AKAP19: variants seen among roughly 807,000 people sequenced by gnomAD.
AKAP19 encodes the protein small A-kinase anchoring protein.
chr2:189,897,557 A>C, the AKAP19 span, among the ~76,000 whole-genome samples: 1 of 152,142 alleles, frequency 6.6e-6, no homozygotes, highest in Non-Finnish European at 1.5e-5. Flanking sequence ...CATCTTAAGC[A>C]AATCTGGTAA....
chr2:189,974,586 G>A, the AKAP19 span, among the ~76,000 whole-genome samples: 2 of 152,164 alleles, frequency 1.3e-5, no homozygotes, highest in African/African-American at 4.8e-5. Flanking sequence ...GGGTGTTAAA[G>A]TCTCCCATTA....
At chr2:190,142,312 A>G in the AKAP19 span, among the ~76,000 whole-genome samples, 1 of 152,242 alleles carries the variant, frequency 6.6e-6, no homozygotes, top group Non-Finnish European at 1.5e-5. Context: ...TTTTAAGTAA[A>G]GGTATAATAT....
At chr2:190,134,965 T>C in the AKAP19 span, among the ~76,000 whole-genome samples, 1 of 152,264 alleles carries the variant, frequency 6.6e-6, no homozygotes, top group East Asian at 1.9e-4. Context: ...AGCTATGGGA[T>C]CATTTAAATT....
chr2:189,947,020 G>A, the AKAP19 span, among the ~76,000 whole-genome samples: 1 of 152,116 alleles, frequency 6.6e-6, no homozygotes, highest in Admixed American at 6.5e-5. Context: ...AACTTTCTAA[G>A]CCTCAGTTTC....
the AKAP19 span, among the ~76,000 whole-genome samples, chr2:190,163,389 G>C: frequency 7.9e-5 from 12 of 150,980 alleles, no homozygotes; most frequent in Non-Finnish European, 1.6e-4. Flanking sequence ...AGCCGAGATC[G>C]CGCCACTGCA....
the AKAP19 span, among the ~76,000 whole-genome samples, chr2:190,069,169 T>A: frequency 1.5e-5 from 2 of 137,276 alleles, no homozygotes; most frequent in Admixed American, 7.1e-5. Flanking sequence ...TGTGTGTGTG[T>A]GTGTGTGAGA....
At chr2:189,953,410 C>A in the AKAP19 span, among the ~76,000 whole-genome samples, 77 of 152,042 alleles carry the variant, frequency 5.1e-4, 1 homozygote, top group African/African-American at 1.8e-3. Flanking sequence ...CCAAGATGGG[C>A]AGATCACCTA....
chr2:190,038,980 C>CT, the AKAP19 span, among the ~76,000 whole-genome samples: 3 of 141,932 alleles, frequency 2.1e-5, no homozygotes, highest in African/African-American at 8.2e-5. Context: ...CTTTCTTCTT[C>CT]TTCTTCCTTT....
chr2:189,915,644 T>C, the AKAP19 span, among the ~76,000 whole-genome samples: 2 of 152,150 alleles, frequency 1.3e-5, no homozygotes, highest in East Asian at 3.8e-4. Flanking sequence ...ACCAGATGGT[T>C]ACTTAAATAT....
At chr2:190,177,813 T>C in the AKAP19 span, among the ~76,000 whole-genome samples, 1 of 152,182 alleles carries the variant, frequency 6.6e-6, no homozygotes, top group African/African-American at 2.4e-5. The surrounding 1 kb of genome is among the most constrained non-coding windows in gnomAD (Gnocchi z 4.6). Flanking sequence ...TAAAATGCAA[T>C]CCTCAATCCA....
At chr2:190,096,926 C>A in the AKAP19 span, among the ~76,000 whole-genome samples, 1 of 152,122 alleles carries the variant, frequency 6.6e-6, no homozygotes. Context: ...GAGGGCAGAG[C>A]CCTTGTGGTT....
the AKAP19 span, among the ~76,000 whole-genome samples, chr2:190,100,604 G>A: frequency 1.3e-5 from 2 of 152,094 alleles, no homozygotes; most frequent in Admixed American, 6.6e-5. Flanking sequence ...TAACCTGACA[G>A]AAATATTTAC....
the AKAP19 span, among the ~76,000 whole-genome samples, chr2:190,115,290 TA>T: frequency 2.3e-4 from 2 of 8,808 alleles, no homozygotes; most frequent in Non-Finnish European, 4.7e-4. Flanking sequence ...TATATATATA[TA>T]TATATATATA....
At chr2:189,943,668 C>T in the AKAP19 span, among the ~76,000 whole-genome samples, 2 of 152,254 alleles carry the variant, frequency 1.3e-5, no homozygotes, top group African/African-American at 2.4e-5. Context: ...TGCAGGCACT[C>T]AACACCAGCT....
chr2:190,068,791 A>G, the AKAP19 span, among the ~76,000 whole-genome samples: 1 of 152,198 alleles, frequency 6.6e-6, no homozygotes, highest in Admixed American at 6.5e-5. Flanking sequence ...TGTAGTTCAT[A>G]GCATTTCTGT....
the AKAP19 span, among the ~76,000 whole-genome samples, chr2:190,174,835 A>G: frequency 6.6e-6 from 1 of 152,240 alleles, no homozygotes; most frequent in South Asian, 2.1e-4. Flanking sequence ...GCAGGTGAAG[A>G]CTTATAGAAG....
At chr2:190,013,232 T>C in the AKAP19 span, among the ~76,000 whole-genome samples, 1 of 152,186 alleles carries the variant, frequency 6.6e-6, no homozygotes, top group African/African-American at 2.4e-5. Flanking sequence ...CATGAAGCCA[T>C]TGGGTATTGG....
chr2:190,156,691 G>A, the AKAP19 span, among the ~76,000 whole-genome samples: 1 of 152,138 alleles, frequency 6.6e-6, no homozygotes. Flanking sequence ...TGAGGGAAAT[G>A]CAAATAAAAT....
chr2:190,083,744 C>A, the AKAP19 span, among the ~76,000 whole-genome samples: 23 of 152,312 alleles, frequency 1.5e-4, 1 homozygote, highest in East Asian at 4.2e-3. Context: ...TAGCAAGAAG[C>A]TTCAAGAGGT....
Sources: allele counts gnomAD v4.1 joint callset (sites outside exome capture counted in the v4.1 genomes callset), GRCh38; gene constraint gnomAD v4.1.1; non-coding constraint Gnocchi (gnomAD v3.1); transcripts MANE v1.5; gene names NCBI Gene and HGNC (gene_info 2026-07-23, HGNC 2026-07-21).